The following RUNX2 variants were observed in gnomAD, a reference collection of about 807,000 sequenced individuals.
RUNX2 encodes runt-related transcription factor 2.
A neutral mutation model predicts 51.7 loss-of-function variants in RUNX2; 10 were observed. The ratio of observed to expected loss-of-function variants is 0.19; its 90% CI spans 0.12 to 0.33. The LOEUF is 0.33. Among genes scored for constraint, RUNX2 ranks in the 10% least tolerant of loss-of-function variants. The probability of loss-of-function intolerance (pLI) is 1.00; values close to 1 mark genes in which losing one functional copy is unlikely to be tolerated. For missense variants in RUNX2, 562 were observed against 691.3 expected (o/e 0.81, Z 2.10); for synonymous variants, 276 against 273.6 (o/e 1.01, Z -0.09).
chr6:45,490,581 A>G (rs1026880017), intron 5 of RUNX2, among the ~76,000 whole-genome samples: 1 of 152,190 alleles, frequency 6.6e-6, no homozygotes, highest in Non-Finnish European at 1.5e-5. Flanking sequence ...GGGAAATTCT[A>G]ATGTTCAATT....
intron 6 of RUNX2, among the ~76,000 whole-genome samples, chr6:45,502,457 C>T (rs978785190): frequency 3.9e-5 from 6 of 152,102 alleles, no homozygotes; most frequent in Admixed American, 2.0e-4. Context: ...CAGGTTCTAC[C>T]GCTGAATTAG....
chr6:45,492,272 A>T (rs893495666), intron 6 of RUNX2, among the ~76,000 whole-genome samples, 158 bp downstream of exon 6: 3 of 151,908 alleles, frequency 2.0e-5, no homozygotes, highest in Non-Finnish European at 4.4e-5. Flanking sequence ...CTTTTTTATT[A>T]AAAAAAATAA....
intron 5 of RUNX2, among the ~76,000 whole-genome samples, chr6:45,441,329 G>C (rs1443286101): frequency 3.3e-5 from 5 of 152,106 alleles, no homozygotes; most frequent in Admixed American, 3.3e-4. Flanking sequence ...TAACTGGTTG[G>C]GTCTTTATGT....
chr6:45,400,062 G>T (rs966743910), intron 2 of RUNX2, among the ~76,000 whole-genome samples: 14 of 123,820 alleles, frequency 1.1e-4, no homozygotes, highest in Non-Finnish European at 2.5e-4. Flanking sequence ...AGGGAGGGAA[G>T]GAAGGAAAGA....
intron 3 of RUNX2, among the ~76,000 whole-genome samples, chr6:45,423,741 C>T (rs2150363318): frequency 6.6e-6 from 1 of 152,276 alleles, no homozygotes; most frequent in East Asian, 1.9e-4. Flanking sequence ...CGCCAGATCC[C>T]GTTACCGGGA....
intron 7 of RUNX2, among the ~76,000 whole-genome samples, chr6:45,522,076 C>T (rs1411297863): frequency 6.6e-6 from 1 of 152,178 alleles, no homozygotes; most frequent in Non-Finnish European, 1.5e-5. Flanking sequence ...TTAATAATGT[C>T]ATCTAATACA....
chr6:45,377,487 C>G (rs1282609018), intron 2 of RUNX2: 2 of 152,274 alleles, frequency 1.3e-5, no homozygotes, highest in Non-Finnish European at 2.9e-5. Context: ...GCCCAGCCCC[C>G]CTCACCCCAC....
intron 7 of RUNX2, among the ~76,000 whole-genome samples, chr6:45,533,540 T>G (rs954636455): frequency 6.6e-6 from 1 of 152,210 alleles, no homozygotes; most frequent in African/African-American, 2.4e-5. Flanking sequence ...TGCAGAAGTT[T>G]TGAGTTAATT....
At chr6:45,490,682 T>C (rs781541088) in intron 5 of RUNX2, among the ~76,000 whole-genome samples, 1 of 152,220 alleles carries the variant, frequency 6.6e-6, no homozygotes, top group African/African-American at 2.4e-5. Context: ...ACTCCCAGGC[T>C]TGAAGGCTTT....
chr6:45,391,057 G>A (rs1391361009), intron 2 of RUNX2, among the ~76,000 whole-genome samples: 1 of 152,240 alleles, frequency 6.6e-6, no homozygotes, highest in African/African-American at 2.4e-5. Flanking sequence ...TCCTAGAGAA[G>A]CTTATAGTCT....
intron 2 of RUNX2, among the ~76,000 whole-genome samples, chr6:45,361,178 A>G (rs1279733698): frequency 2.0e-5 from 3 of 152,186 alleles, no homozygotes; most frequent in African/African-American, 7.2e-5. Flanking sequence ...TTTATTATAT[A>G]TAAGAAAATT....
In RUNX2 at chr6:45,496,048, C is replaced by G. The variant is rs140116571; in HGVS notation, c.859+3934C>G. The stretch of plus-strand genomic sequence containing the variant: ...TGCTTCCTCTAGACCTCTTATCATT[C>G]AGACATCTGCTGCTTGTCTCTAGGT... On this transcript the variant is annotated intron_variant, in intron 6 of 8. Coordinates refer to ENST00000647337, the MANE Select transcript of RUNX2 (RefSeq NM_001024630.4). Among the ~76,000 whole-genome samples, 177 of 152,222 alleles carry G rather than the reference C, an allele frequency of 1.2e-3. 2 individuals are homozygous for G. The East Asian group carries it at 0.032, about 28-fold the overall frequency.
chr6:45,526,390 A>T lies in RUNX2; in HGVS notation c.1021+13983A>T, dbSNP rs1801674814. Among the ~76,000 whole-genome samples the T allele has an allele frequency of 2.0e-5, 3 of 152,354 alleles. No homozygotes were observed. In the Middle Eastern group the frequency reaches 0.01, roughly 518 times the overall value. On this transcript the variant is annotated intron_variant, in intron 7 of 8. Transcript: ENST00000647337. The stretch of plus-strand genomic sequence containing the variant: ...CATGAGAATGGTACATTTGTAAGTG[A>T]TAATTTATCTTACTGGAGAAATGAG...
At chr6:45,534,914 T>TA (rs1250414212) in intron 7 of RUNX2, among the ~76,000 whole-genome samples, 1 of 152,128 alleles carries the variant, frequency 6.6e-6, no homozygotes, top group Non-Finnish European at 1.5e-5. Context: ...AACACAGCCA[T>TA]AAAAAAGAAA....
chr6:45,539,091 C>T (rs1802137721), intron 7 of RUNX2, among the ~76,000 whole-genome samples: 2 of 152,192 alleles, frequency 1.3e-5, no homozygotes, highest in Admixed American at 1.3e-4. Flanking sequence ...TGCATACACA[C>T]TCACTCACAC....
intron 2 of RUNX2, among the ~76,000 whole-genome samples, chr6:45,397,458 T>G (rs1043255993): frequency 3.9e-5 from 6 of 152,166 alleles, no homozygotes; most frequent in African/African-American, 1.4e-4. Flanking sequence ...AGTAGCAGTT[T>G]GGAAATGGTA....
chr6:45,383,826 T>G (rs1797292200), intron 2 of RUNX2, among the ~76,000 whole-genome samples: 1 of 152,200 alleles, frequency 6.6e-6, no homozygotes, highest in Non-Finnish European at 1.5e-5. Context: ...TAAACTACAG[T>G]GTGGCTAAGG....
intron 2 of RUNX2, among the ~76,000 whole-genome samples, chr6:45,405,515 G>T (rs145320445): frequency 6.6e-6 from 1 of 152,186 alleles, no homozygotes; most frequent in African/African-American, 2.4e-5. Flanking sequence ...TAGGCTGGGC[G>T]CAGTGGCTTA....
chr6:45,482,323 A>T (rs900122391), intron 5 of RUNX2, among the ~76,000 whole-genome samples: 1 of 152,178 alleles, frequency 6.6e-6, no homozygotes, highest in African/African-American at 2.4e-5. Flanking sequence ...TGTTTATTAT[A>T]ATTTATTTCC....
Sources: allele counts gnomAD v4.1 joint callset (sites outside exome capture counted in the v4.1 genomes callset), GRCh38; gene constraint gnomAD v4.1.1; transcripts MANE v1.5; gene names NCBI Gene and HGNC (gene_info 2026-07-23, HGNC 2026-07-21).